The following TMEM196 variants were observed in gnomAD, a reference collection of about 807,000 sequenced individuals.
TMEM196 encodes transmembrane protein 196.
TMEM196 carries 17 observed loss-of-function variants against 20.0 expected under a neutral mutation model. The observed-to-expected ratio is 0.85, with a 90% CI of 0.58 to 1.27. The LOEUF is 1.27. TMEM196 is among the 50% of genes most tolerant of loss of function. The pLI, the probability that TMEM196 is intolerant of heterozygous loss-of-function variation, is 0.00. For missense variants in TMEM196, 267 were observed against 223.0 expected (o/e 1.20, Z -1.26); for synonymous variants, 113 against 88.9 (o/e 1.27, Z -1.52).
At chr7:19,762,522 C>G (rs1002297428) in intron 1 of TMEM196, among the ~76,000 whole-genome samples, 1 of 151,988 alleles carries the variant, frequency 6.6e-6, no homozygotes, top group African/African-American at 2.4e-5. Context: ...ATTTATGTAA[C>G]TTAAAGTAGT....
At chr7:19,730,850 A>T (rs781233417) in intron 1 of TMEM196, among the ~76,000 whole-genome samples, 1 of 152,226 alleles carries the variant, frequency 6.6e-6, no homozygotes, top group Non-Finnish European at 1.5e-5. Context: ...AACACAGAAT[A>T]TATAAGAATT....
chr7:19,758,501 G>C (rs765635503), intron 1 of TMEM196, among the ~76,000 whole-genome samples: 4 of 152,040 alleles, frequency 2.6e-5, no homozygotes, highest in Non-Finnish European at 5.9e-5. Flanking sequence ...ATCATCTGTC[G>C]AAATAATGTT....
intron 1 of TMEM196, among the ~76,000 whole-genome samples, chr7:19,731,134 G>A (rs563649271): frequency 6.6e-5 from 10 of 152,020 alleles, no homozygotes; most frequent in African/African-American, 2.4e-4. Context: ...TAATTTTGAC[G>A]GTCAAAAACA....
At position 19,772,706 on chromosome 7, in the gene TMEM196, G is replaced by A; in HGVS notation, c.-10C>T. On this transcript the variant is annotated 5_prime_UTR_variant, in exon 1 of 5. Transcript: ENST00000405844. Reference sequence around the variant, plus strand: ...GACCGCTGGTGCACATCCTTCCTCGGTCATCTTCCTTCCAGATCAGAGAGG... The same window carrying A: ...GACCGCTGGTGCACATCCTTCCTCGATCATCTTCCTTCCAGATCAGAGAGG... 3 of 1,493,768 alleles carry A rather than the reference G, an allele frequency of 2.0e-6. No homozygotes were observed. The highest frequency in any genetic ancestry group is 2.7e-6 in the Non-Finnish European group (3 of 1,112,578). 92.5% of individuals were successfully genotyped at this position (1,493,768 alleles called of 1,614,324 possible).
At chr7:19,754,159 CCA>C (rs998860453) in intron 1 of TMEM196, among the ~76,000 whole-genome samples, 12 of 152,120 alleles carry the variant, frequency 7.9e-5, no homozygotes, top group African/African-American at 2.9e-4. Flanking sequence ...ACTTATTTTT[CCA>C]CAGTTTCCTC....
At chr7:19,750,208 A>G (rs1784907833) in intron 1 of TMEM196, among the ~76,000 whole-genome samples, 1 of 152,084 alleles carries the variant, frequency 6.6e-6, no homozygotes, top group Non-Finnish European at 1.5e-5. Context: ...CATTCCTCTA[A>G]AAGAGTAGAT....
chr7:19,745,808 T>A (rs1445669950), intron 1 of TMEM196, among the ~76,000 whole-genome samples: 1 of 150,604 alleles, frequency 6.6e-6, no homozygotes, highest in East Asian at 1.9e-4. Context: ...GCCACTTCCA[T>A]GGTCATCTGC....
At position 19,721,326 on chromosome 7, in the gene TMEM196, G is replaced by A. The variant is rs1446109815; in HGVS notation, c.*802C>T. 6.6e-6 allele frequency: 1 copy of A among 151,762 alleles called. No homozygotes were observed. The highest frequency in any genetic ancestry group is 1.5e-5 in the Non-Finnish European group (1 of 67,804). The allele number at this position is 151,762 out of a possible 1,614,324, so 9.4% of individuals were successfully genotyped here. A position where few individuals can be genotyped will look rare whatever the true frequency, so the allele number is the denominator to read the frequency against. ...ATGCTATAATATATGCTGTATACAT[G>A]TTCTATATTTACAGTATGTATACAC... On this transcript the variant is annotated 3_prime_UTR_variant, in exon 5 of 5. Coordinates refer to ENST00000405844, the MANE Select transcript of TMEM196 (RefSeq NM_001363562.2).
Position 19,737,827 on chromosome 7 carries a change from C to A in TMEM196, c.148-8389G>T, listed in dbSNP as rs1338946286. ...AATAAAACTATTCTGTATGATATTG[C>A]AATTGTGGACACATGATACTATCCT... On this transcript the variant is annotated intron_variant, in intron 1 of 4. Coordinates refer to ENST00000405844, the MANE Select transcript of TMEM196 (RefSeq NM_001363562.2). 5.3e-5 allele frequency among the ~76,000 whole-genome samples: 8 copies of A among 151,716 alleles called. No individual in the cohort carries two copies. In the East Asian group the frequency reaches 1.3e-3, roughly 26 times the overall value.
At chr7:19,729,132 A>C (rs1036690541) in intron 2 of TMEM196, among the ~76,000 whole-genome samples, 1 of 152,200 alleles carries the variant, frequency 6.6e-6, no homozygotes, top group Non-Finnish European at 1.5e-5. Context: ...CAGTCATTAA[A>C]GGTTGCATAT....
chr7:19,731,137 C>G (rs926523026), intron 1 of TMEM196, among the ~76,000 whole-genome samples: 1 of 151,898 alleles, frequency 6.6e-6, no homozygotes, highest in African/African-American at 2.4e-5. Context: ...TTTTGACGGT[C>G]AAAAACATAA....
Position 19,728,017 on chromosome 7 carries a change from AG to A in TMEM196, c.204+1364del, listed in dbSNP as rs1316285473. On this transcript the variant is annotated intron_variant, in intron 2 of 4. Coordinates refer to ENST00000405844, the MANE Select transcript of TMEM196 (RefSeq NM_001363562.2). ...TACACAGGATAATGTACCTTCTAAT[AG>A]TAGGTACAGCTACCACCTGGGCGGT... Among the ~76,000 whole-genome samples, 5 of 152,316 alleles carry A rather than the reference AG, an allele frequency of 3.3e-5. 1 individual carries two copies. The highest frequency in any genetic ancestry group is 1.2e-4 in the African/African-American group (5 of 41,584).
intron 2 of TMEM196, among the ~76,000 whole-genome samples, chr7:19,726,466 A>C (rs1011640799): frequency 2.6e-5 from 4 of 152,158 alleles, no homozygotes; most frequent in African/African-American, 9.7e-5. Context: ...CTATGAACTG[A>C]CCCCTATATA....
At position 19,722,011 on chromosome 7, in the gene TMEM196, A is replaced by T; in HGVS notation, c.*117T>A. Reference sequence around the variant, plus strand: ...AAATGCAAAAACTGTTTTATTTTCTAGTCCTTTGGTGTCTCATTGCCTCAT... The same window carrying T: ...AAATGCAAAAACTGTTTTATTTTCTTGTCCTTTGGTGTCTCATTGCCTCAT... On this transcript the variant is annotated 3_prime_UTR_variant, in exon 5 of 5. Coordinates refer to ENST00000405844, the MANE Select transcript of TMEM196 (RefSeq NM_001363562.2). The T allele has an allele frequency of 6.7e-6, 9 of 1,337,828 alleles. No individual in the cohort carries two copies. The South Asian group carries it at 1.0e-4, about 15-fold the overall frequency. 82.9% of individuals were successfully genotyped at this position (1,337,828 alleles called of 1,614,324 possible). A position where few individuals can be genotyped will look rare whatever the true frequency, so the allele number is the denominator to read the frequency against.
intron 1 of TMEM196, among the ~76,000 whole-genome samples, chr7:19,729,711 T>G (rs1329387363): frequency 6.6e-6 from 1 of 152,204 alleles, no homozygotes; most frequent in Non-Finnish European, 1.5e-5. Context: ...AGAGCTTTGT[T>G]TCTCCCATTT....
intron 2 of TMEM196, 85 bp from the exon 3 acceptor site, chr7:19,725,853 G>T: frequency 6.9e-7 from 1 of 1,439,502 alleles, no homozygotes. Context: ...GCATGTCAAG[G>T]ATGACTAGCC....
intron 2 of TMEM196, among the ~76,000 whole-genome samples, chr7:19,728,524 AG>A (rs1784077921): frequency 6.6e-6 from 1 of 152,158 alleles, no homozygotes; most frequent in Non-Finnish European, 1.5e-5. Context: ...GATTAGAAAA[AG>A]GGGTCAAATA....
intron 1 of TMEM196, among the ~76,000 whole-genome samples, chr7:19,730,795 A>G (rs2128016646): frequency 6.6e-6 from 1 of 152,338 alleles, no homozygotes; most frequent in African/African-American, 2.4e-5. Flanking sequence ...ATAAGGGAGC[A>G]GAATGATTAT....
intron 1 of TMEM196, among the ~76,000 whole-genome samples, chr7:19,738,184 A>G (rs1784470382): frequency 6.6e-6 from 1 of 152,052 alleles, no homozygotes; most frequent in South Asian, 2.1e-4. Context: ...TTTTGACACC[A>G]CTATACATGT....
Sources: gnomAD v4.1 joint callset for allele counts (sites outside exome capture counted in the v4.1 genomes callset) on GRCh38, gnomAD v4.1.1 for gene constraint, MANE v1.5 for transcripts, NCBI Gene and HGNC (gene_info 2026-07-23, HGNC 2026-07-21) for gene names.